The following DDX18 variants were observed in gnomAD, a reference collection of about 807,000 sequenced individuals.
DDX18 encodes DEAD-box helicase 18.
A neutral mutation model predicts 73.5 loss-of-function variants in DDX18; 23 were observed. The ratio of observed to expected loss-of-function variants is 0.31; its 90% CI spans 0.23 to 0.44. The LOEUF is 0.44. DDX18 is among the 20% of genes least tolerant of loss of function. The pLI is 1.00. For synonymous variants in DDX18, 268 were observed against 282.7 expected (o/e 0.95, Z 0.52); for missense variants, 753 against 792.9 (o/e 0.95, Z 0.60).
chr2:117,818,145 T>C (rs1249607132), intron 2 of DDX18, among the ~76,000 whole-genome samples: 1 of 152,192 alleles, frequency 6.6e-6, no homozygotes, highest in African/African-American at 2.4e-5. Flanking sequence ...TTCCAAGTGC[T>C]AAGAATGGCA....
intron 7 of DDX18, chr2:117,822,700 A>G (rs1412125841): frequency 6.3e-6 from 1 of 159,488 alleles, no homozygotes; most frequent in Non-Finnish European, 1.4e-5. Flanking sequence ...TATAATGTAC[A>G]ATTTGATGTT....
intron 8 of DDX18, 81 bp downstream of exon 8, chr2:117,824,789 C>A: frequency 2.7e-6 from 4 of 1,476,022 alleles, no homozygotes; most frequent in Middle Eastern, 1.8e-4. Flanking sequence ...ATTCAGAAAG[C>A]AAATGGGTTA....
intron 3 of DDX18, among the ~76,000 whole-genome samples, chr2:117,820,078 C>T (rs1679822902): frequency 6.6e-6 from 1 of 152,176 alleles, no homozygotes; most frequent in African/African-American, 2.4e-5. Flanking sequence ...TTTTCTGAGT[C>T]TCATTCTATG....
At position 117,814,887 on chromosome 2, in the gene DDX18, C is replaced by G. The variant is rs767766024; in HGVS notation, c.85+25C>G. The G allele has an allele frequency of 1.5e-5, 25 of 1,613,368 alleles. No homozygotes were observed. The East Asian group carries it at 5.6e-4, about 36-fold the overall frequency. On this transcript the variant is annotated intron_variant, in intron 1 of 13. Transcript: ENST00000263239. ...GGTGAGATGCGTTGACTCGCGGTGG[C>G]TCAGAAGACCCACGCGCGAGCCCTG...
chr2:117,817,449 T>C lies in DDX18; in HGVS notation c.91T>C (p.Ser31Pro). The C allele has an allele frequency of 6.2e-7, 1 of 1,600,564 alleles. No homozygotes were observed. The highest frequency in any genetic ancestry group is 8.5e-7 in the Non-Finnish European group (1 of 1,176,594). Residue 31 changes from serine (S) to proline (P), a missense_variant, in exon 2 of 14, where the codon TCA becomes CCA. Physicochemically the swap from Ser to Pro is moderately conservative, Grantham distance 74. Around this residue, in one of 3 missense-constraint regions of DDX18, gnomAD observed 345 missense variants for 352.0 expected, o/e 0.98. Coordinates refer to ENST00000263239, the MANE Select transcript of DDX18 (RefSeq NM_006773.4). ...RQRNLKFQGA[S>P]NLTLSETQNG... ...TGTTCTGTTTATTTAAACAGGGGCCTCAAATCTGACCCTATCGGAAACTCA... is the reference window on the plus strand; with the variant it reads ...TGTTCTGTTTATTTAAACAGGGGCCCCAAATCTGACCCTATCGGAAACTCA...
rs1405214832 is a variant in DDX18, at chr2:117,829,277, T to C, written c.1693-12T>C. Reference sequence around the variant, plus strand: ...TTTTGTTTATTAAAACCAGTGTTTCTTTCTATTTCAGCTTGAGAAATTGAT... The same window carrying C: ...TTTTGTTTATTAAAACCAGTGTTTCCTTCTATTTCAGCTTGAGAAATTGAT... On this transcript the variant is annotated splice_polypyrimidine_tract_variant and intron_variant, in intron 12 of 13. Coordinates refer to ENST00000263239, the MANE Select transcript of DDX18 (RefSeq NM_006773.4). The C allele has an allele frequency of 6.4e-7, 1 of 1,574,538 alleles. No homozygotes were observed. Among genetic ancestry groups the C allele is most frequent in the Non-Finnish European group, 8.6e-7 (1 of 1,164,560 alleles).
chr2:117,819,330 T>C (rs551678302), intron 2 of DDX18, among the ~76,000 whole-genome samples: 1 of 152,340 alleles, frequency 6.6e-6, no homozygotes, highest in South Asian at 2.1e-4. Flanking sequence ...TGACTACTTA[T>C]AATGAGTTTT....
rs766778582 is a variant in DDX18, at chr2:117,822,246, A to G, written c.1051A>G (p.Ile351Val). The G allele has an allele frequency of 1.2e-6, 2 of 1,612,674 alleles. No individual in the cohort carries two copies. Among genetic ancestry groups the G allele is most frequent in the Non-Finnish European group, 1.7e-6 (2 of 1,179,612 alleles). Residue 351 changes from isoleucine (I) to valine (V), a missense_variant, in exon 7 of 14, where the codon ATT (isoleucine) becomes GTT (valine). Physicochemically the swap from Ile to Val is conservative, Grantham distance 29. Coordinates refer to ENST00000263239, the MANE Select transcript of DDX18 (RefSeq NM_006773.4). ...VGFEEELKQI[I>V]KLLPTRRQTM... ...GTTTGAAGAGGAATTAAAGCAAATT[A>G]TTAAACTTTTGCCAAGTAAGTAGGT... is the stretch of plus-strand genomic sequence containing the variant.
chr2:117,818,017 GT>G (rs1322557543), intron 2 of DDX18, among the ~76,000 whole-genome samples: 1 of 152,118 alleles, frequency 6.6e-6, no homozygotes, highest in Non-Finnish European at 1.5e-5. Context: ...TTCTTTTTAA[GT>G]TACCTTTTTT....
rs1404829502 is a variant in DDX18 at position 117,821,920 on chromosome 2, T to C, written c.810T>C (p.Val270=). 1 of 1,614,078 alleles carries C rather than the reference T, an allele frequency of 6.2e-7. No homozygotes were observed. The highest frequency in any genetic ancestry group is 1.7e-5 in the Admixed American group (1 of 60,024). Reference sequence around the variant, plus strand: ...AACTAGCCATGCAAACCTTTGGTGTTCTTAAGGAGCTGATGACTCACCACG... The same window carrying C: ...AACTAGCCATGCAAACCTTTGGTGTCCTTAAGGAGCTGATGACTCACCACG... The part of the protein sequence containing the change: ...TRELAMQTFG[V]LKELMTHHVH... The change falls in exon 6 of 14, where the codon GTT becomes GTC. Residue 270 remains valine (V), a synonymous_variant. Transcript: ENST00000263239.
intron 7 of DDX18, among the ~76,000 whole-genome samples, chr2:117,824,046 T>A (rs143629717): frequency 8.5e-5 from 13 of 152,376 alleles, no homozygotes; most frequent in Non-Finnish European, 7.3e-5. Context: ...GAATTCACTT[T>A]ACTAAAATTC....
At position 117,821,146 on chromosome 2, in the gene DDX18, T is replaced by G. The variant is rs75897653; in HGVS notation, c.515-15T>G. The G allele has an allele frequency of 1.1e-3, 1,736 of 1,524,832 alleles. 20 individuals are homozygous for G. In the African/African-American group the frequency reaches 0.022, roughly 19 times the overall value. The allele number at this position is 1,524,832 out of a possible 1,614,324, so 94.5% of individuals were successfully genotyped here. On this transcript the variant is annotated splice_polypyrimidine_tract_variant and intron_variant, in intron 3 of 13. Coordinates refer to ENST00000263239, the MANE Select transcript of DDX18 (RefSeq NM_006773.4). ...AAAAGATAAATTTGCTAATGATAAATTGTCTTCTGTTTAGGAGCTTTTGAG... is the reference window on the plus strand; with the variant it reads ...AAAAGATAAATTTGCTAATGATAAAGTGTCTTCTGTTTAGGAGCTTTTGAG...
At position 117,821,652 on chromosome 2, in the gene DDX18, A is replaced by T; in HGVS notation, c.653A>T (p.Asp218Val). 6.2e-7 allele frequency: 1 copy of T among 1,613,854 alleles called. No homozygotes were observed. The highest frequency in any genetic ancestry group is 1.1e-5 in the South Asian group (1 of 91,078). Residue 218 changes from aspartate to valine, a missense_variant and splice_region_variant, in exon 5 of 14, where the codon GAT becomes GTT. Around this residue, in one of 3 missense-constraint regions of DDX18, gnomAD observed 345 missense variants for 352.0 expected, o/e 0.98. Coordinates refer to ENST00000263239, the MANE Select transcript of DDX18 (RefSeq NM_006773.4). ...KSIRPLLEGRDLLAAAKTGSG... is the reference protein window; with the variant it reads ...KSIRPLLEGRVLLAAAKTGSG... The stretch of plus-strand genomic sequence containing the variant: ...TCCTTTCCCTTTTTAATATTTAGGG[A>T]TCTTCTAGCAGCTGCAAAAACAGGC...
At chr2:117,814,961 C>A in intron 1 of DDX18, 99 bp downstream of exon 1, 1 of 1,237,108 alleles carries the variant, frequency 8.1e-7, no homozygotes, top group Non-Finnish European at 1.2e-6. Flanking sequence ...ACGGAGGCAG[C>A]TTCCCCTGCA....
chr2:117,820,572 C>T (rs1679829578), intron 3 of DDX18, among the ~76,000 whole-genome samples: 2 of 152,180 alleles, frequency 1.3e-5, no homozygotes, highest in African/African-American at 4.8e-5. Context: ...AAGAATTATT[C>T]AGCCCAGATG....
In DDX18 at chr2:117,814,956, G is replaced by A. The variant is rs1316509330; in HGVS notation, c.85+94G>A. The A allele has an allele frequency of 3.1e-6, 4 of 1,286,428 alleles. No individual in the cohort carries two copies. The Admixed American group carries it at 5.2e-5, about 17-fold the overall frequency. The allele number at this position is 1,286,428 out of a possible 1,614,324, so 79.7% of individuals were successfully genotyped here. Reference sequence around the variant, plus strand: ...GGGCCCAGCTGCTCTGTGTGACGGAGGCAGCTTCCCCTGCAGCGTGTGTGA... The same window carrying A: ...GGGCCCAGCTGCTCTGTGTGACGGAAGCAGCTTCCCCTGCAGCGTGTGTGA... On this transcript the variant is annotated intron_variant, in intron 1 of 13. Coordinates refer to ENST00000263239, the MANE Select transcript of DDX18 (RefSeq NM_006773.4).
chr2:117,830,355 A>G (rs1317391224), intron 13 of DDX18, among the ~76,000 whole-genome samples: 1 of 152,356 alleles, frequency 6.6e-6, no homozygotes, highest in South Asian at 2.1e-4. Context: ...TAATATGACT[A>G]TTACACACCG....
chr2:117,826,649 A>G, intron 11 of DDX18: 2 of 445,992 alleles, frequency 4.5e-6, no homozygotes, highest in South Asian at 5.6e-5. Context: ...GCCCTCTTTG[A>G]AACCTTCTCC....
chr2:117,817,662 T>A lies in DDX18; in HGVS notation c.304T>A (p.Ser102Thr). The A allele has an allele frequency of 3.7e-6, 6 of 1,608,328 alleles. No homozygotes were observed. The highest frequency in any genetic ancestry group is 5.1e-6 in the Non-Finnish European group (6 of 1,178,642). Residue 102 changes from serine to threonine, a missense_variant, in exon 2 of 14, where the codon TCT becomes ACT. Ser to Thr is a moderately conservative substitution (Grantham distance 58). Around this residue, in one of 3 missense-constraint regions of DDX18, gnomAD observed 345 missense variants for 352.0 expected, o/e 0.98. Transcript: ENST00000263239. ...AACCAATGGAGAAGCAGCAATGCAGTCTTCCAATTCAGAATCAAAAAAGAA... is the reference window on the plus strand; with the variant it reads ...AACCAATGGAGAAGCAGCAATGCAGACTTCCAATTCAGAATCAAAAAAGAA... ...VLTNGEAAMQSSNSESKKKKK... is the reference protein window; with the variant it reads ...VLTNGEAAMQTSNSESKKKKK...
Sources: gnomAD v4.1 joint callset for allele counts (sites outside exome capture counted in the v4.1 genomes callset) on GRCh38, gnomAD v4.1.1 for gene constraint, gnomAD v4.1.1 regional missense constraint, MANE v1.5 for transcripts, NCBI Gene and HGNC (gene_info 2026-07-23, HGNC 2026-07-21) for gene names.